The following ITIH2 variants were observed in gnomAD, a reference collection of about 807,000 sequenced individuals.
ITIH2 encodes inter-alpha-trypsin inhibitor heavy chain 2, also known as inter-alpha-trypsin inhibitor heavy chain H2.
In ITIH2, 103 loss-of-function variants were observed where a neutral mutation model predicts 104.4. The observed-to-expected ratio is 0.99, with a 90% CI of 0.84 to 1.16. The LOEUF (loss-of-function observed/expected upper bound fraction) is 1.16, where lower values mean the gene tolerates loss of function less well. Among genes scored for constraint, ITIH2 ranks in the 50% most tolerant of loss-of-function variants. The probability of loss-of-function intolerance (pLI) is 0.00; values close to 1 mark genes in which losing one functional copy is unlikely to be tolerated. For missense variants in ITIH2, 1,108 were observed against 1,162.4 expected (o/e 0.95, Z 0.68); for synonymous variants, 436 against 435.4 (o/e 1.00, Z -0.02).
At chr10:7,714,853 T>C (rs541473799) in intron 5 of ITIH2, among the ~76,000 whole-genome samples, 94 of 152,318 alleles carry the variant, frequency 6.2e-4, no homozygotes, top group Non-Finnish European at 9.3e-4. Context: ...AGATTACAGC[T>C]GGCCTTCGTA....
intron 19 of ITIH2, among the ~76,000 whole-genome samples, chr10:7,745,859 A>G (rs961907712): frequency 1.3e-5 from 2 of 151,090 alleles, no homozygotes; most frequent in Non-Finnish European, 3.0e-5. Flanking sequence ...GGTTCATGCG[A>G]TTCTCTTCCC....
chr10:7,729,838 G>A lies in ITIH2; in HGVS notation c.1280-114G>A. 6.7e-6 allele frequency: 4 copies of A among 595,116 alleles called. No individual in the cohort carries two copies. The South Asian group carries it at 8.9e-5, about 13-fold the overall frequency. The allele number at this position is 595,116 out of a possible 1,614,324, so 36.9% of individuals were successfully genotyped here. On this transcript the variant is annotated intron_variant, in intron 11 of 20. Transcript: ENST00000358415. ...TAGAAATTGAGTTACTGGGTCAAAA[G>A]GGAAATGCAGTTTTAATCTGGACAC...
At chr10:7,721,825 G>T (rs1414072604) in intron 8 of ITIH2, 48 bp downstream of exon 8, 5 of 1,602,822 alleles carry the variant, frequency 3.1e-6, no homozygotes, top group Non-Finnish European at 4.3e-6. Flanking sequence ...GTGCCAAAGA[G>T]CTGCTCCTTT....
intron 20 of ITIH2, among the ~76,000 whole-genome samples, chr10:7,747,057 G>A (rs1835184974): frequency 6.6e-6 from 1 of 152,168 alleles, no homozygotes; most frequent in Non-Finnish European, 1.5e-5. Context: ...CAGAATGAAT[G>A]TAGATTTTTA....
At chr10:7,720,481 C>T (rs996940697) in intron 6 of ITIH2, among the ~76,000 whole-genome samples, 8 of 152,176 alleles carry the variant, frequency 5.3e-5, no homozygotes, top group African/African-American at 1.7e-4. Context: ...AAATGGTCTA[C>T]TTTTGACAGG....
intron 2 of ITIH2, 129 bp from the exon 3 acceptor site, chr10:7,707,072 C>G (rs923889797): frequency 1.9e-6 from 1 of 533,482 alleles, no homozygotes; most frequent in African/African-American, 1.9e-5. Flanking sequence ...TGTCTCAACT[C>G]CAGTGAATGA....
At chr10:7,744,684 C>T (rs1027496811) in intron 18 of ITIH2, 107 bp from the exon 19 acceptor site, 10 of 885,972 alleles carry the variant, frequency 1.1e-5, no homozygotes, top group Middle Eastern at 2.7e-4. Flanking sequence ...AGATAACTAG[C>T]GGAATTGTCT....
At chr10:7,743,077 A>G (rs1010828357) in intron 16 of ITIH2, 69 bp from the exon 17 acceptor site, 1 of 761,688 alleles carries the variant, frequency 1.3e-6, no homozygotes, top group African/African-American at 1.8e-5. Context: ...GATGTTCAGG[A>G]ATGACATAGT....
intron 20 of ITIH2, among the ~76,000 whole-genome samples, chr10:7,747,906 A>G (rs1835194958): frequency 6.6e-6 from 1 of 151,596 alleles, no homozygotes; most frequent in Non-Finnish European, 1.5e-5. Context: ...TCATAAATAA[A>G]TACATAATAT....
At chr10:7,737,521 T>C (rs1835068158) in intron 15 of ITIH2, among the ~76,000 whole-genome samples, 2 of 136,468 alleles carry the variant, frequency 1.5e-5, no homozygotes, top group African/African-American at 5.5e-5. Context: ...ATATATTATA[T>C]ACTATGTATT....
At chr10:7,722,078 A>G (rs1407795695) in intron 8 of ITIH2, among the ~76,000 whole-genome samples, 1 of 152,180 alleles carries the variant, frequency 6.6e-6, no homozygotes. Flanking sequence ...GCCCTTTGCA[A>G]TTAGACAATC....
At chr10:7,726,920 G>A in intron 9 of ITIH2, 30 bp from the exon 10 acceptor site, 1 of 1,525,432 alleles carries the variant, frequency 6.6e-7, no homozygotes, top group Non-Finnish European at 8.8e-7. Flanking sequence ...TTTCTGTAAT[G>A]GGACCTGTCT....
chr10:7,729,949 T>C lies in ITIH2; in HGVS notation c.1280-3T>C. 1 of 1,587,782 alleles carries C rather than the reference T, an allele frequency of 6.3e-7. No homozygotes were observed. On this transcript the variant is annotated splice_region_variant and splice_polypyrimidine_tract_variant and intron_variant, in intron 11 of 20. Transcript: ENST00000358415. ...CTTTCCTTTCGGACATCACCAACTT[T>C]AGGCGAACTAAAACTGTCAAAAATT...
chr10:7,712,902 T>C (rs1423352908), intron 4 of ITIH2, among the ~76,000 whole-genome samples: 1 of 152,106 alleles, frequency 6.6e-6, no homozygotes, highest in Non-Finnish European at 1.5e-5. Context: ...AGGTGGATCA[T>C]GAGGTCAGGA....
At chr10:7,727,201 CA>C in intron 10 of ITIH2, 83 bp downstream of exon 10, 1 of 1,162,042 alleles carries the variant, frequency 8.6e-7, no homozygotes, top group Non-Finnish European at 1.2e-6. Context: ...ATTCCCATCA[CA>C]GTGGTCTTTC....
chr10:7,709,036 A>G lies in ITIH2; in HGVS notation c.207A>G (p.Gln69=). The change falls in exon 4 of 21, where the codon CAA becomes CAG. Residue 69 remains glutamine (Q), a synonymous_variant. Transcript: ENST00000358415. ...ESEEMMEEVD[Q]VTLYSYKVQS... ...GCCAATTTCAGGAAGAGGTTGATCA[A>G]GTAACTCTTTATAGCTATAAAGTCC... 1 of 1,613,978 alleles carries G rather than the reference A, an allele frequency of 6.2e-7. No homozygotes were observed.
intron 6 of ITIH2, among the ~76,000 whole-genome samples, chr10:7,718,903 A>G (rs1834876172): frequency 6.6e-6 from 1 of 152,182 alleles, no homozygotes; most frequent in Admixed American, 6.5e-5. Flanking sequence ...CATCCACTGC[A>G]TTACTATCCA....
At chr10:7,737,426 T>TACAC (rs1554766638) in intron 15 of ITIH2, among the ~76,000 whole-genome samples, 2 of 131,092 alleles carry the variant, frequency 1.5e-5, no homozygotes, top group African/African-American at 5.6e-5. Flanking sequence ...TATATATATA[T>TACAC]ACACGTGTAT....
chr10:7,734,838 G>A, intron 14 of ITIH2, 84 bp from the exon 15 acceptor site: 2 of 1,230,658 alleles, frequency 1.6e-6, no homozygotes, highest in Middle Eastern at 2.0e-4. Context: ...CCCCAGCAGT[G>A]GTGGGGTGCA....
Sources: gnomAD v4.1 joint callset for allele counts (sites outside exome capture counted in the v4.1 genomes callset) on GRCh38, gnomAD v4.1.1 for gene constraint, MANE v1.5 for transcripts, NCBI Gene and HGNC (gene_info 2026-07-23, HGNC 2026-07-21) for gene names.